The following CEP44 variants were observed in gnomAD, a reference collection of about 807,000 sequenced individuals.
The protein encoded by CEP44 is centrosomal protein of 44 kDa.
Under a neutral mutation model 46.7 loss-of-function variants are expected in CEP44, and 45 were observed. The observed-to-expected ratio is 0.96, with a 90% CI of 0.76 to 1.24. CEP44 has a LOEUF of 1.24. CEP44 is among the 50% of genes most tolerant of loss of function. The pLI is 0.00. For synonymous variants in CEP44, 142 were observed against 146.0 expected (o/e 0.97, Z 0.20); for missense variants, 475 against 459.7 (o/e 1.03, Z -0.30).
Position 174,331,996 on chromosome 4 carries a change from T to TC in CEP44, c.*402dup. The stretch of plus-strand genomic sequence containing the variant: ...GAAAATGCATAAGGTTAGTACAAGA[T>TC]CAGTAGAGAGAAAGTCAAAGATTAC... On this transcript the variant is annotated 3_prime_UTR_variant, in exon 9 of 9. Transcript: ENST00000426172. The surrounding 1 kb of genome is among the most constrained non-coding windows in gnomAD (Gnocchi z 4.5). The TC allele has an allele frequency of 6.3e-6, 1 of 159,816 alleles. No homozygotes were observed. 9.9% of individuals were successfully genotyped at this position (159,816 alleles called of 1,614,324 possible). A position where few individuals can be genotyped will look rare whatever the true frequency, so the allele number is the denominator to read the frequency against.
At position 174,317,611 on chromosome 4, in the gene CEP44, C is replaced by A. The variant is rs1200427800; in HGVS notation, c.*228C>A. The A allele has an allele frequency of 1.1e-5, 12 of 1,083,076 alleles. No homozygotes were observed. In the African/African-American group the frequency reaches 2.0e-4, roughly 18 times the overall value. The allele number at this position is 1,083,076 out of a possible 1,614,324, so 67.1% of individuals were successfully genotyped here. ...ACTTTTTTTTTTTTTAGGAAAAACT[C>A]ATGTTCCAGTATATTTCTCTTACAG... On this transcript the variant is annotated 3_prime_UTR_variant, in exon 12 of 12. Coordinates refer to ENST00000503780, the MANE Select transcript of CEP44 (RefSeq NM_001040157.3).
In CEP44 at chr4:174,298,779, T is replaced by TA. The variant is rs368078048; in HGVS notation, c.-50-284dup. ...GTCTTCTCAAACGGTGCTTTATGCT[T>TA]AAAAAAAAACTATTTGGGCAAGTGT... On this transcript the variant is annotated intron_variant, in intron 2 of 11. Transcript: ENST00000503780. Among the ~76,000 whole-genome samples, 618 of 151,450 alleles carry TA rather than the reference T, an allele frequency of 4.1e-3. 2 individuals carry two copies. Among genetic ancestry groups the TA allele is most frequent in the Non-Finnish European group, 5.2e-3 (355 of 67,792 alleles).
In CEP44 at chr4:174,314,553, C is replaced by A. The variant is rs148074997; in HGVS notation, c.962-1613C>A. Among the ~76,000 whole-genome samples the A allele has an allele frequency of 1.3e-5, 2 of 152,286 alleles. No individual in the cohort carries two copies. Among genetic ancestry groups the A allele is most frequent in the African/African-American group, 4.8e-5 (2 of 41,566 alleles). On this transcript the variant is annotated intron_variant, in intron 9 of 11. Coordinates refer to ENST00000503780, the MANE Select transcript of CEP44 (RefSeq NM_001040157.3). The surrounding 1 kb of genome is among the most constrained non-coding windows in gnomAD (Gnocchi z 4.1). ...CACTCTTGAATAAGGTTAGACACCGCAAAGTCTGGACCCCAAAATGGAAGA... is the reference window on the plus strand; with the variant it reads ...CACTCTTGAATAAGGTTAGACACCGAAAAGTCTGGACCCCAAAATGGAAGA...
rs925530032 is a variant in CEP44 at position 174,283,982 on chromosome 4, C to G, written c.-148+39C>G. ...AGGAACCCACAATTCCAAATACAAA[C>G]GGTCGGCGCGAGAAGCGCTTCTGGG... is the stretch of plus-strand genomic sequence containing the variant. On this transcript the variant is annotated intron_variant, in intron 1 of 11. Transcript: ENST00000503780. This position sits in a 1 kb window ranked among gnomAD's most constrained non-coding sequence, Gnocchi z 6.7. The G allele has an allele frequency of 2.5e-6, 1 of 399,840 alleles. No individual in the cohort carries two copies. 24.8% of individuals were successfully genotyped at this position (399,840 alleles called of 1,614,324 possible).
Position 174,299,120 on chromosome 4 carries a change from TA to T in CEP44, c.1del. On this transcript the variant is annotated 5_prime_UTR_variant, in exon 3 of 12. Coordinates refer to ENST00000503780, the MANE Select transcript of CEP44 (RefSeq NM_001040157.3). ...AATTGGAGCTGAATCTGATGTTAAGTAATGGCAACAGGTGACTTAAAAAGAA... is the reference window on the plus strand; with the variant it reads ...AATTGGAGCTGAATCTGATGTTAAGTATGGCAACAGGTGACTTAAAAAGAA... 6.2e-7 allele frequency: 1 copy of T among 1,609,676 alleles called. No individual in the cohort carries two copies. Among genetic ancestry groups the T allele is most frequent in the South Asian group, 1.1e-5 (1 of 89,780 alleles).
chr4:174,313,539 A>G (rs192193023), intron 9 of CEP44, among the ~76,000 whole-genome samples: 1 of 152,286 alleles, frequency 6.6e-6, no homozygotes, highest in East Asian at 1.9e-4. Flanking sequence ...ATTTTCAGCA[A>G]GGCTAATATT....
chr4:174,317,652 G>A lies in CEP44; in HGVS notation c.*269G>A. 9.7e-7 allele frequency: 1 copy of A among 1,031,012 alleles called. No individual in the cohort carries two copies. The highest frequency in any genetic ancestry group is 4.6e-5 in the South Asian group (1 of 21,882). The allele number at this position is 1,031,012 out of a possible 1,614,324, so 63.9% of individuals were successfully genotyped here. ...TCTCTTACAGAGTGAAGTCATTACA[G>A]CACTGTATTTCTGTGTTGACATTTG... On this transcript the variant is annotated 3_prime_UTR_variant, in exon 12 of 12. Transcript: ENST00000503780.
At position 174,302,036 on chromosome 4, in the gene CEP44, C is replaced by T. The variant is rs1739779777; in HGVS notation, c.90-3C>T. The T allele has an allele frequency of 1.9e-6, 3 of 1,580,942 alleles. No individual in the cohort carries two copies. The South Asian group carries it at 3.6e-5, about 19-fold the overall frequency. On this transcript the variant is annotated splice_polypyrimidine_tract_variant and splice_region_variant and intron_variant, in intron 3 of 11. Coordinates refer to ENST00000503780, the MANE Select transcript of CEP44 (RefSeq NM_001040157.3). ...AAAAATATTTTTCTTTTTTTCCTAA[C>T]AGTTTGATAAAGGGAGACCCAGCAG...
chr4:174,294,433 G>T (rs1265932786), intron 1 of CEP44, among the ~76,000 whole-genome samples: 3 of 151,576 alleles, frequency 2.0e-5, no homozygotes, highest in East Asian at 1.9e-4. Flanking sequence ...AAAGTCTCCC[G>T]TGTCTACCTC....
intron 8 of CEP44, among the ~76,000 whole-genome samples, chr4:174,327,090 G>C (rs947303724): frequency 2.0e-5 from 3 of 150,186 alleles, no homozygotes; most frequent in Non-Finnish European, 4.4e-5. Flanking sequence ...GGAGCCATAA[G>C]TGGACATTTA....
In CEP44 at chr4:174,319,034, C is replaced by A. The variant is rs1742043256; in HGVS notation, c.*1651C>A. 2 of 506,698 alleles carry A rather than the reference C, an allele frequency of 3.9e-6. No homozygotes were observed. Among genetic ancestry groups the A allele is most frequent in the Non-Finnish European group, 5.1e-6 (2 of 393,284 alleles). 31.4% of individuals were successfully genotyped at this position (506,698 alleles called of 1,614,324 possible). A position where few individuals can be genotyped will look rare whatever the true frequency, so the allele number is the denominator to read the frequency against. ...ATGTTGCCCAGTCTGTTCTCAAACT[C>A]GTGAGCTAAAGCTACTCGCCCACCT... On this transcript the variant is annotated 3_prime_UTR_variant, in exon 12 of 12. Coordinates refer to ENST00000503780, the MANE Select transcript of CEP44 (RefSeq NM_001040157.3).
In CEP44 at chr4:174,318,325, G is replaced by A. The variant is rs918674753; in HGVS notation, c.*942G>A. On this transcript the variant is annotated 3_prime_UTR_variant, in exon 12 of 12. Transcript: ENST00000503780. ...TGATCTGCCTGTCTTGGCCTCCGGC[G>A]TAACACTTTTTAAGACCAGTGTAAC... The A allele has an allele frequency of 1.8e-5, 18 of 985,148 alleles. No individual in the cohort carries two copies. Among genetic ancestry groups the A allele is most frequent in the South Asian group, 4.7e-5 (1 of 21,288 alleles). 61.0% of individuals were successfully genotyped at this position (985,148 alleles called of 1,614,324 possible). A position where few individuals can be genotyped will look rare whatever the true frequency, so the allele number is the denominator to read the frequency against.
chr4:174,319,189 CAG>C lies in CEP44; in HGVS notation c.*1809_*1810del, dbSNP rs138636338. On this transcript the variant is annotated 3_prime_UTR_variant, in exon 12 of 12. Transcript: ENST00000503780. Reference sequence around the variant, plus strand: ...CAGAAACATACAATTTTGAATTTAACAGAGTTTCAGTAAATATTTCCAGAATT... The same window carrying C: ...CAGAAACATACAATTTTGAATTTAACAGTTTCAGTAAATATTTCCAGAATT... 9 of 976,250 alleles carry C rather than the reference CAG, an allele frequency of 9.2e-6. No homozygotes were observed. The highest frequency in any genetic ancestry group is 8.8e-5 in the African/African-American group (5 of 57,104). 60.5% of individuals were successfully genotyped at this position (976,250 alleles called of 1,614,324 possible).
chr4:174,300,831 C>T (rs1177041525), intron 3 of CEP44, among the ~76,000 whole-genome samples: 1 of 151,950 alleles, frequency 6.6e-6, no homozygotes, highest in Non-Finnish European at 1.5e-5. Context: ...ATGCTAAGTC[C>T]TTAGGAACTA....
downstream of CEP44, among the ~76,000 whole-genome samples, chr4:174,320,483 TCC>T: frequency 5.5e-5 from 1 of 18,116 alleles, no homozygotes. Flanking sequence ...TTTTTAACAG[TCC>T]CCAGGTTTGT....
intron 8 of CEP44, among the ~76,000 whole-genome samples, chr4:174,328,690 A>G (rs1186273941): frequency 3.3e-5 from 5 of 152,090 alleles, no homozygotes; most frequent in African/African-American, 1.2e-4. Flanking sequence ...TTTTTCCGTC[A>G]TGGCAAAGAA....
At position 174,314,135 on chromosome 4, in the gene CEP44, C is replaced by G. The variant is rs1011425970; in HGVS notation, c.962-2031C>G. On this transcript the variant is annotated intron_variant, in intron 9 of 11. Transcript: ENST00000503780. This position sits in a 1 kb window ranked among gnomAD's most constrained non-coding sequence, Gnocchi z 4.1. ...GGTAGAAGATTTCATGTCCCATACC[C>G]CCATAATCTTAGAAGTAGAAGAGTC... 2.6e-5 allele frequency among the ~76,000 whole-genome samples: 4 copies of G among 152,058 alleles called. No homozygotes were observed. The highest frequency in any genetic ancestry group is 2.6e-4 in the Admixed American group (4 of 15,254).
intron 1 of CEP44, among the ~76,000 whole-genome samples, chr4:174,295,079 C>A (rs1282426356): frequency 6.7e-6 from 1 of 150,254 alleles, no homozygotes; most frequent in African/African-American, 2.5e-5. Context: ...GGGCGGGGGG[C>A]TGATCCCCCC....
Position 174,326,232 on chromosome 4 carries a change from G to T in CEP44, c.1087-5250G>T, listed in dbSNP as rs1399302643. Among the ~76,000 whole-genome samples, 1 of 151,498 alleles carries T rather than the reference G, an allele frequency of 6.6e-6. No homozygotes were observed. Among genetic ancestry groups the T allele is most frequent in the Non-Finnish European group, 1.5e-5 (1 of 67,858 alleles). ...GTATCCTGTGTGTGTATGTGTGTGT[G>T]TGTGTCTGTGTGTGTGTCTGTGTGT... On this transcript the variant is annotated intron_variant, in intron 8 of 8. Coordinates refer to the CEP44 transcript ENST00000426172. The surrounding 1 kb of genome is among the most constrained non-coding windows in gnomAD (Gnocchi z 4.8).
Sources: gnomAD v4.1 joint callset for allele counts (sites outside exome capture counted in the v4.1 genomes callset) on GRCh38, gnomAD v4.1.1 for gene constraint, Gnocchi (gnomAD v3.1) non-coding constraint, MANE v1.5 for transcripts, NCBI Gene and HGNC (gene_info 2026-07-23, HGNC 2026-07-21) for gene names.